FBXO22: variants seen among roughly 807,000 people sequenced by gnomAD.
FBXO22 encodes F-box protein 22.
Under a neutral mutation model 37.2 loss-of-function variants are expected in FBXO22, and 13 were observed. The ratio of observed to expected loss-of-function variants is 0.35; its 90% confidence interval spans 0.23 to 0.56. The LOEUF (loss-of-function observed/expected upper bound fraction) is 0.56. Among genes scored for constraint, FBXO22 ranks in the 20% least tolerant of loss-of-function variants. The pLI, the probability that FBXO22 is intolerant of heterozygous loss-of-function variation, is 0.87. For synonymous variants in FBXO22, 189 were observed against 189.1 expected, an observed-to-expected ratio of 1.00 and a Z score of 0.00; for missense variants, 446 against 509.9, an observed-to-expected ratio of 0.87 and a Z score of 1.21.
In FBXO22 at chr15:75,933,201, A is replaced by G; in HGVS notation, c.*99A>G. Reference sequence around the variant, plus strand: ...GTATTTCAAACAAAAATAACTTTAGATATATCTTTTTTGTAGCTTTGATTG... The same window carrying G: ...GTATTTCAAACAAAAATAACTTTAGGTATATCTTTTTTGTAGCTTTGATTG... On this transcript the variant is annotated 3_prime_UTR_variant, in exon 7 of 7. Coordinates refer to ENST00000308275, the MANE Select transcript of FBXO22 (RefSeq NM_147188.3). The G allele has an allele frequency of 9.9e-7, 1 of 1,014,116 alleles. No homozygotes were observed. 62.8% of individuals were successfully genotyped at this position (1,014,116 alleles called of 1,614,324 possible).
intron 1 of FBXO22, 24 bp downstream of exon 1, chr15:75,904,127 G>GA: frequency 2.6e-6 from 4 of 1,525,508 alleles, no homozygotes; most frequent in Non-Finnish European, 3.5e-6. Context: ...GCGGAGGCGG[G>GA]AAGCTTGCCT....
rs1191115853 is a variant in FBXO22, at chr15:75,939,435, C to T, written c.*6333C>T. 2 of 152,076 alleles carry T rather than the reference C, an allele frequency of 1.3e-5. No homozygotes were observed. Among genetic ancestry groups the T allele is most frequent in the Non-Finnish European group, 2.9e-5 (2 of 67,988 alleles). 9.4% of individuals were successfully genotyped at this position (152,076 alleles called of 1,614,324 possible). A position where few individuals can be genotyped will look rare whatever the true frequency, so the allele number is the denominator to read the frequency against. On this transcript the variant is annotated 3_prime_UTR_variant, in exon 7 of 7. Transcript: ENST00000308275. ...AATTGAATTAGTAATCAAAATTCTCCTGGAAAAAAAGCACTGGACCTGATG... is the reference window on the plus strand; with the variant it reads ...AATTGAATTAGTAATCAAAATTCTCTTGGAAAAAAAGCACTGGACCTGATG...
chr15:75,931,409 C>T (rs183027114), intron 6 of FBXO22, among the ~76,000 whole-genome samples: 4 of 152,064 alleles, frequency 2.6e-5, no homozygotes, highest in African/African-American at 9.7e-5. Context: ...CCAACTGACC[C>T]AGTGCCCCAA....
chr15:75,911,808 G>C (rs1388903694), intron 2 of FBXO22, among the ~76,000 whole-genome samples: 2 of 150,780 alleles, frequency 1.3e-5, no homozygotes, highest in African/African-American at 4.9e-5. Flanking sequence ...ATGTTGAATA[G>C]GAATGGTGAG....
Position 75,904,571 on chromosome 15 carries a change from C to T in FBXO22, c.221C>T (p.Ala74Val), listed in dbSNP as rs2141698987. Residue 74 changes from alanine (A) to valine (V), a missense_variant, in exon 2 of 7, where the codon GCG becomes GTG. Around this residue, in one of 2 missense-constraint regions of FBXO22, gnomAD observed 315 missense variants for 410.1 expected, o/e 0.77. Transcript: ENST00000308275. ...RSVTWISAGL[A>V]EAGHLEGHCL... ...GTAACCTGGATCTCCGCAGGCCTGGCGGAGGCCGGCCACCTGGAGGGGCAT... is the reference window on the plus strand; with the variant it reads ...GTAACCTGGATCTCCGCAGGCCTGGTGGAGGCCGGCCACCTGGAGGGGCAT... The T allele has an allele frequency of 1.2e-6, 2 of 1,613,462 alleles. No individual in the cohort carries two copies. The highest frequency in any genetic ancestry group is 1.1e-5 in the South Asian group (1 of 90,988).
chr15:75,929,866 CTCT>C lies in FBXO22; in HGVS notation c.629-15_629-13del, dbSNP rs1345067731. 4 of 1,613,396 alleles carry C rather than the reference CTCT, an allele frequency of 2.5e-6. No homozygotes were observed. The highest frequency in any genetic ancestry group is 3.4e-6 in the Non-Finnish European group (4 of 1,179,622). On this transcript the variant is annotated splice_polypyrimidine_tract_variant and intron_variant, in intron 5 of 6. Transcript: ENST00000308275. ...GTTTTAAGGCTGTCTTTAACTGTTG[CTCT>C]TCATTTCTCTGCAGGTCTTTTAGAT...
intron 5 of FBXO22, among the ~76,000 whole-genome samples, chr15:75,926,328 G>A (rs1280755936): frequency 6.6e-6 from 1 of 152,154 alleles, no homozygotes; most frequent in Non-Finnish European, 1.5e-5. Flanking sequence ...TGAATTTTGA[G>A]TGTCAAGGAG....
rs1355106961 is a variant in FBXO22 at position 75,942,222 on chromosome 15, C to T, written c.*9120C>T. The T allele has an allele frequency of 6.6e-6, 1 of 151,780 alleles. No homozygotes were observed. The highest frequency in any genetic ancestry group is 1.5e-5 in the Non-Finnish European group (1 of 67,966). The allele number at this position is 151,780 out of a possible 1,614,324, so 9.4% of individuals were successfully genotyped here. On this transcript the variant is annotated 3_prime_UTR_variant, in exon 7 of 7. Transcript: ENST00000308275. ...GGTGGTGAAACTACTGTATACAATA[C>T]TATAATAGTGGATACATGACATTAT...
At chr15:75,918,401 C>G (rs987745808) in intron 5 of FBXO22, among the ~76,000 whole-genome samples, 1 of 151,498 alleles carries the variant, frequency 6.6e-6, no homozygotes, top group Admixed American at 6.6e-5. Flanking sequence ...AAAGACTCAG[C>G]CGGGAACCTC....
chr15:75,933,712 T>C lies in FBXO22; in HGVS notation c.*610T>C, dbSNP rs1435362662. 1 of 301,296 alleles carries C rather than the reference T, an allele frequency of 3.3e-6. No individual in the cohort carries two copies. The allele number at this position is 301,296 out of a possible 1,614,324, so 18.7% of individuals were successfully genotyped here. ...TATTATAAGTAAAAGATTTTTCTTC[T>C]TTCCTTAAAAATATTTTTTTTTCAC... On this transcript the variant is annotated 3_prime_UTR_variant, in exon 7 of 7. Transcript: ENST00000308275.
intron 4 of FBXO22, among the ~76,000 whole-genome samples, chr15:75,916,313 TAAAC>T (rs1390338955): frequency 1.3e-5 from 2 of 152,138 alleles, no homozygotes; most frequent in East Asian, 3.9e-4. Flanking sequence ...CTGGGTGACT[TAAAC>T]AACGGAAGCT....
chr15:75,931,482 G>C (rs1457030087), intron 6 of FBXO22, among the ~76,000 whole-genome samples: 1 of 152,228 alleles, frequency 6.6e-6, no homozygotes. Flanking sequence ...CTGTACCAAA[G>C]AGGAAATGTG....
At chr15:75,925,458 T>TA (rs71140183) in intron 5 of FBXO22, among the ~76,000 whole-genome samples, 148,675 of 151,858 alleles carry the variant, frequency 0.98, 72,857 homozygotes, top group East Asian at 1. Context: ...CCAAGAGGGG[T>TA]AAAATAGAAC....
At chr15:75,930,108 G>A (rs2029961059) in intron 6 of FBXO22, 59 bp downstream of exon 6, 1 of 1,609,762 alleles carries the variant, frequency 6.2e-7, no homozygotes, top group Admixed American at 1.7e-5. Flanking sequence ...CTCAGGTTTT[G>A]TCACTTTGGG....
chr15:75,908,288 T>A lies in FBXO22; in HGVS notation c.279+3659T>A, dbSNP rs1015884072. ...TTTTGTTTTGTTTGGTTTTTTTTTTTTTTGAGACAGAGTCTCGCCTGTCGC... is the reference window on the plus strand; with the variant it reads ...TTTTGTTTTGTTTGGTTTTTTTTTTATTTGAGACAGAGTCTCGCCTGTCGC... On this transcript the variant is annotated intron_variant, in intron 2 of 6. Coordinates refer to ENST00000308275, the MANE Select transcript of FBXO22 (RefSeq NM_147188.3). Among the ~76,000 whole-genome samples the A allele has an allele frequency of 5.3e-5, 8 of 151,920 alleles. No homozygotes were observed. In the South Asian group the frequency reaches 1.7e-3, roughly 32 times the overall value.
At chr15:75,924,414 C>T (rs1157725329) in intron 5 of FBXO22, among the ~76,000 whole-genome samples, 5 of 152,108 alleles carry the variant, frequency 3.3e-5, no homozygotes, top group African/African-American at 1.2e-4. Context: ...CATGGGATGT[C>T]AACATAAAAA....
chr15:75,918,266 A>G (rs1900232660), intron 5 of FBXO22, among the ~76,000 whole-genome samples: 1 of 152,140 alleles, frequency 6.6e-6, no homozygotes, highest in Non-Finnish European at 1.5e-5. Flanking sequence ...CTGATGAGGA[A>G]AAAAAGGGGG....
At chr15:75,923,571 T>G (rs1480621016) in intron 5 of FBXO22, among the ~76,000 whole-genome samples, 1 of 152,118 alleles carries the variant, frequency 6.6e-6, no homozygotes, top group Admixed American at 6.5e-5. Context: ...AGAAGCCAGG[T>G]TTCTAAACAC....
chr15:75,923,813 A>C (rs55782145), intron 5 of FBXO22, among the ~76,000 whole-genome samples: 6,003 of 152,240 alleles, frequency 0.039, 212 homozygotes, highest in African/African-American at 0.094. Flanking sequence ...TGTAGTGGTT[A>C]AGGAAAGAGG....
Sources: gnomAD v4.1 joint callset for allele counts (sites outside exome capture counted in the v4.1 genomes callset) on GRCh38, gnomAD v4.1.1 for gene constraint, gnomAD v4.1.1 regional missense constraint, MANE v1.5 for transcripts, NCBI Gene and HGNC (gene_info 2026-07-23, HGNC 2026-07-21) for gene names.